PEPD: variants seen among roughly 807,000 people sequenced by gnomAD.
PEPD encodes peptidase D, also known as xaa-Pro dipeptidase.
Under a neutral mutation model 60.7 loss-of-function variants are expected in PEPD, and 53 were observed. That is an observed-to-expected ratio of 0.87 (90% CI 0.70 to 1.10). The LOEUF (loss-of-function observed/expected upper bound fraction) is 1.10, where lower values mean the gene tolerates loss of function less well. PEPD is among the 50% of genes least tolerant of loss of function. PEPD has a pLI of 0.00. For missense variants in PEPD, 711 were observed against 711.9 expected, an observed-to-expected ratio of 1.00 and a Z score of 0.01; for synonymous variants, 267 against 284.1, an observed-to-expected ratio of 0.94 and a Z score of 0.60.
chr19:33,449,278 C>T (rs919676809), intron 9 of PEPD, among the ~76,000 whole-genome samples: 7 of 152,344 alleles, frequency 4.6e-5, no homozygotes, highest in African/African-American at 1.7e-4. Flanking sequence ...CAACCTAAAC[C>T]GTTCCTCCCC....
rs906879187 is a variant in PEPD, at chr19:33,431,992, C to CAAAAAAAAAAAAAA, written c.672-18363_672-18350dup. Reference sequence around the variant, plus strand: ...TGGGTAACAGAGCAAGACACCACCTCAAAAAAAAAAAAAAAAAAGGGAAGA... The same window carrying CAAAAAAAAAAAAAA: ...TGGGTAACAGAGCAAGACACCACCTCAAAAAAAAAAAAAAAAAAAAAAAAAAAAAAAAGGGAAGA... On this transcript the variant is annotated intron_variant, in intron 9 of 14. Coordinates refer to ENST00000244137, the MANE Select transcript of PEPD (RefSeq NM_000285.4). Among the ~76,000 whole-genome samples the CAAAAAAAAAAAAAA allele has an allele frequency of 3.4e-3, 267 of 77,788 alleles. 12 individuals are homozygous for CAAAAAAAAAAAAAA. Among genetic ancestry groups the CAAAAAAAAAAAAAA allele is most frequent in the African/African-American group, 0.011 (239 of 21,048 alleles). The allele number at this position is 77,788 out of a possible 152,430, so 51.0% of individuals were successfully genotyped here. A position where few individuals can be genotyped will look rare whatever the true frequency, so the allele number is the denominator to read the frequency against.
chr19:33,422,943 A>G (rs866240627), intron 9 of PEPD, among the ~76,000 whole-genome samples: 4 of 150,532 alleles, frequency 2.7e-5, no homozygotes, highest in South Asian at 4.2e-4. Flanking sequence ...TCCATTTATC[A>G]CTCTATCTAC....
intron 6 of PEPD, among the ~76,000 whole-genome samples, chr19:33,480,655 C>A (rs1263865514): frequency 1.3e-5 from 2 of 152,098 alleles, no homozygotes; most frequent in Non-Finnish European, 2.9e-5. Context: ...ATTAGCAGAG[C>A]ATGGTGGTGA....
Position 33,387,991 on chromosome 19 carries a change from T to C in PEPD, c.1243A>G (p.Ile415Val), listed in dbSNP as rs1166839766. The change falls in exon 14 of 15, where the codon ATC (isoleucine) becomes GTC (valine). Residue 415 changes from isoleucine (I) to valine (V), a missense_variant. By Grantham distance (29) the Ile-to-Val change is conservative (BLOSUM62 3). Transcript: ENST00000244137. ...PGMVLTVEPG[I>V]YFIDHLLDEA... ...TCCAGGAGGTGGTCGATGAAGTAGATGCCCGGCTCCACGGTGAGCACCATG... is the reference window on the plus strand; with the variant it reads ...TCCAGGAGGTGGTCGATGAAGTAGACGCCCGGCTCCACGGTGAGCACCATG... 4 of 1,586,876 alleles carry C rather than the reference T, an allele frequency of 2.5e-6. No homozygotes were observed. In the African/African-American group the frequency reaches 4.0e-5, roughly 16 times the overall value.
At chr19:33,438,765 G>C (rs961494219) in intron 9 of PEPD, among the ~76,000 whole-genome samples, 5 of 152,242 alleles carry the variant, frequency 3.3e-5, no homozygotes, top group Admixed American at 2.0e-4. Flanking sequence ...GCCCAGGCTG[G>C]AGTGCAGTGG....
At chr19:33,490,375 C>G (rs1970475890) in intron 5 of PEPD, among the ~76,000 whole-genome samples, 2 of 152,238 alleles carry the variant, frequency 1.3e-5, no homozygotes, top group Admixed American at 1.3e-4. Flanking sequence ...CAGGCGAGGA[C>G]CCGGGACCAC....
At chr19:33,389,447 T>G (rs1341047884) in intron 13 of PEPD, among the ~76,000 whole-genome samples, 1 of 149,308 alleles carries the variant, frequency 6.7e-6, no homozygotes, top group Non-Finnish European at 1.5e-5. Context: ...GGTCCCAGGG[T>G]CTCTGCTCCA....
chr19:33,444,969 C>A (rs1171193799), intron 9 of PEPD, among the ~76,000 whole-genome samples: 2 of 152,206 alleles, frequency 1.3e-5, no homozygotes, highest in African/African-American at 2.4e-5. Context: ...CAGGCTGAGG[C>A]CAGCCCAGCC....
chr19:33,420,047 G>GA (rs1486144226), intron 9 of PEPD, among the ~76,000 whole-genome samples: 27 of 152,218 alleles, frequency 1.8e-4, no homozygotes, highest in African/African-American at 6.5e-4. Flanking sequence ...GGATAATTGG[G>GA]AATTCTAAAT....
intron 6 of PEPD, among the ~76,000 whole-genome samples, chr19:33,481,111 G>A (rs10853927): frequency 2.6e-5 from 4 of 152,188 alleles, no homozygotes; most frequent in East Asian, 3.9e-4. Flanking sequence ...AATGGATCAC[G>A]TATCAAACCT....
At chr19:33,479,596 AGT>A (rs1360977764) in intron 6 of PEPD, among the ~76,000 whole-genome samples, 1 of 152,044 alleles carries the variant, frequency 6.6e-6, no homozygotes, top group African/African-American at 2.4e-5. Context: ...AATAGGCCCC[AGT>A]GTGTGTTGTC....
chr19:33,468,575 C>T (rs1012126507), intron 7 of PEPD, among the ~76,000 whole-genome samples: 2 of 152,352 alleles, frequency 1.3e-5, no homozygotes, highest in East Asian at 1.9e-4. Flanking sequence ...AGGCAGCAAG[C>T]CCTTGGGAAC....
chr19:33,517,558 CAAAAAAAACAAAAAACAAAAAACAAAAA>C (rs1451083940), intron 1 of PEPD, among the ~76,000 whole-genome samples: 1 of 146,766 alleles, frequency 6.8e-6, no homozygotes, highest in Non-Finnish European at 1.5e-5. Flanking sequence ...GACTCCGTTT[CAAAAAAAACAAAAAACAAAAAACAAAAA>C]AAAACCTGAT....
intron 4 of PEPD, among the ~76,000 whole-genome samples, chr19:33,500,088 T>C (rs1379260244): frequency 6.6e-6 from 1 of 152,248 alleles, no homozygotes; most frequent in Non-Finnish European, 1.5e-5. Flanking sequence ...GAAATGTGGC[T>C]ACAGGATGGC....
chr19:33,484,663 TCAGA>T (rs1214345404), intron 6 of PEPD, among the ~76,000 whole-genome samples: 1 of 151,632 alleles, frequency 6.6e-6, no homozygotes, highest in African/African-American at 2.4e-5. Context: ...ACACACATAC[TCAGA>T]CAGGCAAATA....
chr19:33,455,507 CTT>C (rs1164516631), intron 9 of PEPD, among the ~76,000 whole-genome samples: 1 of 143,634 alleles, frequency 7.0e-6, no homozygotes, highest in Non-Finnish European at 1.5e-5. Flanking sequence ...TTTTTTTTCT[CTT>C]TTTTTTTTTA....
At chr19:33,493,519 T>C (rs1970540480) in intron 4 of PEPD, 182 bp from the exon 5 acceptor site, 3 of 685,870 alleles carry the variant, frequency 4.4e-6, no homozygotes, top group Non-Finnish European at 8.1e-6. Flanking sequence ...GAAGGACTTC[T>C]GAAAGCCACA....
chr19:33,415,021 C>A (rs1382783314), intron 9 of PEPD, among the ~76,000 whole-genome samples: 1 of 152,168 alleles, frequency 6.6e-6, no homozygotes, highest in African/African-American at 2.4e-5. Context: ...ACGTTCCTAC[C>A]AAGGCAGGCA....
At chr19:33,468,077 G>C (rs997987533) in intron 7 of PEPD, among the ~76,000 whole-genome samples, 1 of 152,138 alleles carries the variant, frequency 6.6e-6, no homozygotes, top group African/African-American at 2.4e-5. Context: ...GGAGAGGCAC[G>C]AGCCCTTTCG....
Sources: gnomAD v4.1 joint callset for allele counts (sites outside exome capture counted in the v4.1 genomes callset) on GRCh38, gnomAD v4.1.1 for gene constraint, MANE v1.5 for transcripts, NCBI Gene and HGNC (gene_info 2026-07-23, HGNC 2026-07-21) for gene names.